The following MATR3 variants were observed in gnomAD, a reference collection of about 807,000 sequenced individuals.
MATR3 encodes the protein matrin-3.
Under a neutral mutation model 85.5 loss-of-function variants are expected in MATR3, and 4 were observed. The ratio of observed to expected loss-of-function variants is 0.05; its 90% CI spans 0.02 to 0.11. The LOEUF is 0.11. MATR3 is among the 10% of genes least tolerant of loss of function. The pLI is 1.00. For synonymous variants in MATR3, 336 were observed against 343.1 expected, an observed-to-expected ratio of 0.98 and a Z score of 0.23; for missense variants, 685 against 1,016.1, an observed-to-expected ratio of 0.67 and a Z score of 4.43.
At chr5:139,278,055 T>C (rs1470890428) in intron 2 of MATR3, among the ~76,000 whole-genome samples, 1 of 150,164 alleles carries the variant, frequency 6.7e-6, no homozygotes, top group Non-Finnish European at 1.5e-5. Flanking sequence ...CAGAAAGAGA[T>C]CTCATCTCTA....
At chr5:139,321,574 G>C (rs907566394) in intron 9 of MATR3, among the ~76,000 whole-genome samples, 3 of 152,162 alleles carry the variant, frequency 2.0e-5, no homozygotes, top group African/African-American at 4.8e-5. Context: ...CCTGAGTCCA[G>C]GAGCCCGAGA....
chr5:139,325,760 T>C, intron 13 of MATR3, 98 bp downstream of exon 13: 2 of 1,034,822 alleles, frequency 1.9e-6, no homozygotes, highest in Non-Finnish European at 3.0e-6. Flanking sequence ...ACATAAGCTG[T>C]GATAGCATTT....
chr5:139,295,071 G>C (rs1041115178), intron 1 of MATR3: 1 of 152,070 alleles, frequency 6.6e-6, no homozygotes, highest in Non-Finnish European at 1.5e-5. Context: ...CTGAATAGTC[G>C]GTAAAATACA....
rs865874252 is a variant in MATR3 at position 139,319,595 on chromosome 5, C to G, written c.1602+94C>G. On this transcript the variant is annotated intron_variant, in intron 9 of 14. Coordinates refer to ENST00000394805, the MANE Select transcript of MATR3 (RefSeq NM_018834.6). ...TGGGCGTCATTCCTCAACCTGTAATCCCAGCAGTTTGGGAGGCCAAGGCAG... is the reference window on the plus strand; with the variant it reads ...TGGGCGTCATTCCTCAACCTGTAATGCCAGCAGTTTGGGAGGCCAAGGCAG... The G allele has an allele frequency of 5.0e-6, 6 of 1,210,928 alleles. No homozygotes were observed. In the Admixed American group the frequency reaches 1.1e-4, roughly 22 times the overall value. The allele number at this position is 1,210,928 out of a possible 1,614,324, so 75.0% of individuals were successfully genotyped here.
At chr5:139,297,719 A>G (rs746312822) in intron 1 of MATR3, among the ~76,000 whole-genome samples, 30 of 152,204 alleles carry the variant, frequency 2.0e-4, no homozygotes, top group South Asian at 2.1e-4. Context: ...ATCAAGCCCT[A>G]ATGTTCTCTG....
chr5:139,322,577 GGT>G lies in MATR3; in HGVS notation c.1779-16_1779-15del, dbSNP rs779005896. On this transcript the variant is annotated intron_variant, in intron 11 of 14. Coordinates refer to ENST00000394805, the MANE Select transcript of MATR3 (RefSeq NM_018834.6). ...CTTTTTCAGACAACAAATTAATTGT[GGT>G]GTGTCCTTTTGATTTCAGAAAAAGA... is the stretch of plus-strand genomic sequence containing the variant. 3.0e-4 allele frequency: 469 copies of G among 1,555,610 alleles called. 1 individual carries two copies. The Middle Eastern group carries it at 3.0e-3, about 10-fold the overall frequency.
intron 12 of MATR3, among the ~76,000 whole-genome samples, chr5:139,324,487 C>T (rs536378934): frequency 1.3e-5 from 2 of 151,974 alleles, no homozygotes; most frequent in Non-Finnish European, 2.9e-5. Flanking sequence ...AACGAGGTTT[C>T]GCCATGTTGG....
intron 14 of MATR3, 133 bp downstream of exon 14, chr5:139,326,417 A>C (rs375308279): frequency 1.4e-6 from 1 of 691,148 alleles, no homozygotes; most frequent in Non-Finnish European, 2.2e-6. Flanking sequence ...ATAACTTTTT[A>C]TTTACTTTTT....
At chr5:139,298,569 A>G (rs1228512625) in intron 1 of MATR3, among the ~76,000 whole-genome samples, 1 of 152,220 alleles carries the variant, frequency 6.6e-6, no homozygotes, top group Non-Finnish European at 1.5e-5. Flanking sequence ...ACTGTCTCAA[A>G]AAGAAAAGAA....
upstream of MATR3, chr5:139,293,654 G>C (rs1581213566): frequency 8.4e-6 from 2 of 239,268 alleles, no homozygotes; most frequent in Admixed American, 1.1e-4. Context: ...GGGGGTGGGG[G>C]CGAGCTCTCT....
rs1307308858 is a variant in MATR3, at chr5:139,308,313, G to A, written c.898G>A (p.Val300Ile). Residue 300 changes from valine (V) to isoleucine (I), a missense_variant, in exon 2 of 15, where the codon GTT (valine) becomes ATT (isoleucine). This residue lies in a region of MATR3 where 223 missense variants were observed against 334.4 expected (regional missense o/e 0.67). Transcript: ENST00000394805. ...PHLCSICDLP[V>I]HSNKEWSQHI... Reference sequence around the variant, plus strand: ...TCTGTGCTCTATATGTGATTTGCCAGTTCATTCTAATAAGGTGAGTTAACT... The same window carrying A: ...TCTGTGCTCTATATGTGATTTGCCAATTCATTCTAATAAGGTGAGTTAACT... 6.2e-7 allele frequency: 1 copy of A among 1,613,998 alleles called. No homozygotes were observed. The highest frequency in any genetic ancestry group is 8.5e-7 in the Non-Finnish European group (1 of 1,179,994).
intron 2 of MATR3, chr5:139,278,909 G>A (rs924506473): frequency 1.9e-6 from 1 of 517,262 alleles, no homozygotes; most frequent in African/African-American, 1.9e-5. Flanking sequence ...GAGTACCTTT[G>A]GGCAGTGTTT....
chr5:139,321,616 C>T (rs1387430334), intron 9 of MATR3, among the ~76,000 whole-genome samples: 2 of 152,074 alleles, frequency 1.3e-5, no homozygotes, highest in Non-Finnish European at 2.9e-5. Flanking sequence ...AACTGCACCT[C>T]TACAAAAAAT....
intron 7 of MATR3, among the ~76,000 whole-genome samples, chr5:139,318,435 A>G (rs1369876765): frequency 6.6e-6 from 1 of 150,986 alleles, no homozygotes; most frequent in Non-Finnish European, 1.5e-5. Flanking sequence ...CACCCGGCCA[A>G]CATTTTTGTT....
At chr5:139,283,337 T>C (rs1274348666) in intron 3 of MATR3, 14 of 152,244 alleles carry the variant, frequency 9.2e-5, no homozygotes, top group Non-Finnish European at 1.0e-4. Context: ...ACTCTAGGGT[T>C]GTCTAAACCT....
Position 139,326,153 on chromosome 5 carries a change from G to C in MATR3, c.2372-10G>C. ...GTTTAATTTGTAAGAATGTATGTTTGTATTTCTAGGTATAGACTATGTGAT... is the reference window on the plus strand; with the variant it reads ...GTTTAATTTGTAAGAATGTATGTTTCTATTTCTAGGTATAGACTATGTGAT... On this transcript the variant is annotated splice_polypyrimidine_tract_variant and intron_variant, in intron 13 of 14. Coordinates refer to ENST00000394805, the MANE Select transcript of MATR3 (RefSeq NM_018834.6). The C allele has an allele frequency of 6.3e-7, 1 of 1,588,276 alleles. No homozygotes were observed. The highest frequency in any genetic ancestry group is 8.6e-7 in the Non-Finnish European group (1 of 1,158,718).
At position 139,307,504 on chromosome 5, in the gene MATR3, C is replaced by G; in HGVS notation, c.89C>G (p.Ala30Gly). 6.2e-7 allele frequency: 1 copy of G among 1,614,052 alleles called. No homozygotes were observed. The stretch of plus-strand genomic sequence containing the variant: ...TCTGCGGCAGGAATAGGCCTTCTTG[C>G]TGCTGCTACCCAGTCTTTAAGTATG... The part of the protein sequence containing the change: ...DLSAAGIGLL[A>G]AATQSLSMPA... Residue 30 changes from alanine to glycine, a missense_variant, in exon 2 of 15, where the codon GCT (alanine) becomes GGT (glycine). This residue lies in a region of MATR3 where 30 missense variants were observed against 69.5 expected (regional missense o/e 0.43). Transcript: ENST00000394805. The surrounding 1 kb of genome is among the most constrained non-coding windows in gnomAD (Gnocchi z 4.4).
At chr5:139,291,766 C>T (rs943869828), upstream of MATR3, among the ~76,000 whole-genome samples, 72 of 152,058 alleles carry the variant, frequency 4.7e-4, 4 homozygotes, top group South Asian at 8.3e-4. Flanking sequence ...CTCGAACTCC[C>T]GACCTCAAGT....
At chr5:139,315,425 C>A in intron 3 of MATR3, 1 of 378,532 alleles carries the variant, frequency 2.6e-6, no homozygotes. Flanking sequence ...GCGGCACTTC[C>A]TCCTTACAAT....
Sources: allele counts gnomAD v4.1 joint callset (sites outside exome capture counted in the v4.1 genomes callset), GRCh38; gene constraint gnomAD v4.1.1; regional missense constraint gnomAD v4.1.1; non-coding constraint Gnocchi (gnomAD v3.1); transcripts MANE v1.5; gene names NCBI Gene and HGNC (gene_info 2026-07-23, HGNC 2026-07-21).